The following EPC2 variants were observed in gnomAD, a reference collection of about 807,000 sequenced individuals.
EPC2 encodes the protein enhancer of polycomb homolog 2.
EPC2 carries 14 observed loss-of-function variants against 92.1 expected under a neutral mutation model. The ratio of observed to expected loss-of-function variants is 0.15; its 90% CI spans 0.10 to 0.24. The LOEUF is 0.24. Ranked by LOEUF, EPC2 falls within the 10% of genes least tolerant of loss-of-function variation. EPC2 has a pLI of 1.00. For synonymous variants in EPC2, 340 were observed against 334.7 expected (o/e 1.02, Z -0.17); for missense variants, 755 against 971.5 (o/e 0.78, Z 2.96).
At chr2:148,676,957 C>G (rs1197648170) in intron 1 of EPC2, among the ~76,000 whole-genome samples, 1 of 151,790 alleles carries the variant, frequency 6.6e-6, no homozygotes, top group African/African-American at 2.4e-5. Context: ...AGTGCCTGTG[C>G]TTGAGTTTAG....
chr2:148,646,671 T>C (rs1683808497), intron 1 of EPC2, among the ~76,000 whole-genome samples: 1 of 152,076 alleles, frequency 6.6e-6, no homozygotes, highest in Non-Finnish European at 1.5e-5. Flanking sequence ...AATCATATTA[T>C]ATACAATAGT....
In EPC2 at chr2:148,675,727, T is replaced by C. The variant is rs185029933; in HGVS notation, c.154-14487T>C. Among the ~76,000 whole-genome samples, 16 of 152,336 alleles carry C rather than the reference T, an allele frequency of 1.1e-4. No homozygotes were observed. The East Asian group carries it at 3.1e-3, about 29-fold the overall frequency. On this transcript the variant is annotated intron_variant, in intron 1 of 13. Coordinates refer to ENST00000258484, the MANE Select transcript of EPC2 (RefSeq NM_015630.4). ...GTTTCCCAGAATTTTACGGCACTCTTGTGCTGATGGCCTATCTCATTGTTT... is the reference window on the plus strand; with the variant it reads ...GTTTCCCAGAATTTTACGGCACTCTCGTGCTGATGGCCTATCTCATTGTTT...
chr2:148,662,463 T>C (rs1047767863), intron 1 of EPC2, among the ~76,000 whole-genome samples: 2 of 152,152 alleles, frequency 1.3e-5, no homozygotes, highest in South Asian at 4.1e-4. Context: ...GTGGCACATA[T>C]ACACCATGGA....
intron 11 of EPC2, among the ~76,000 whole-genome samples, chr2:148,782,287 A>T (rs1683767697): frequency 6.6e-6 from 1 of 152,184 alleles, no homozygotes; most frequent in Non-Finnish European, 1.5e-5. Context: ...CTGTAATCCC[A>T]GCACTTTGGG....
chr2:148,750,837 AAAT>A (rs1308349811), intron 3 of EPC2, among the ~76,000 whole-genome samples: 2 of 152,250 alleles, frequency 1.3e-5, no homozygotes, highest in East Asian at 3.9e-4. Context: ...GCTGTTACAC[AAAT>A]AATAAGCCAT....
At chr2:148,645,195 C>CCCCCTTCCCTCCTCCCCCCT (rs1319849336) in intron 1 of EPC2, 25 bp downstream of exon 1, 1 of 1,558,280 alleles carries the variant, frequency 6.4e-7, no homozygotes, top group Non-Finnish European at 8.7e-7. Flanking sequence ...GTTTATTACC[C>CCCCCTTCCCTCCTCCCCCCT]CCCCTTCCCT....
At chr2:148,752,037 C>T (rs1468875318) in intron 3 of EPC2, among the ~76,000 whole-genome samples, 1 of 152,038 alleles carries the variant, frequency 6.6e-6, no homozygotes. Context: ...CAAGAAGCAC[C>T]AGAGAAAGAA....
intron 1 of EPC2, among the ~76,000 whole-genome samples, chr2:148,649,514 C>G (rs955214223): frequency 6.6e-6 from 1 of 152,174 alleles, no homozygotes; most frequent in Non-Finnish European, 1.5e-5. Flanking sequence ...TGAGTCTGTT[C>G]CTTTATATTG....
intron 2 of EPC2, among the ~76,000 whole-genome samples, chr2:148,705,131 G>A (rs967796848): frequency 1.3e-5 from 2 of 151,442 alleles, no homozygotes; most frequent in Non-Finnish European, 2.9e-5. Context: ...TCTTTTTCCC[G>A]GCATAACCAC....
Position 148,784,905 on chromosome 2 carries a change from C to A in EPC2, c.2255C>A (p.Ala752Glu). Residue 752 changes from alanine (A) to glutamate (E), a missense_variant, in exon 13 of 14, where the codon GCA (alanine) becomes GAA (glutamate). By Grantham distance (107) the Ala-to-Glu change is moderately radical. This residue lies in a region of EPC2 where 207 missense variants were observed against 260.5 expected (regional missense o/e 0.79). Coordinates refer to ENST00000258484, the MANE Select transcript of EPC2 (RefSeq NM_015630.4). ...VNVHINTRTS[A>E]PSPTALKLAT... ...GTGCATATCAATACACGGACTTCAG[C>A]ACCATCGCCAACAGCCTTAAAACTT... 1 of 1,596,434 alleles carries A rather than the reference C, an allele frequency of 6.3e-7. No individual in the cohort carries two copies. The highest frequency in any genetic ancestry group is 8.5e-7 in the Non-Finnish European group (1 of 1,170,654).
At chr2:148,722,971 A>T (rs1042728416) in intron 2 of EPC2, among the ~76,000 whole-genome samples, 38 of 152,172 alleles carry the variant, frequency 2.5e-4, no homozygotes, top group African/African-American at 8.9e-4. Flanking sequence ...CTAAATAAAC[A>T]TTGAGAACAC....
intron 1 of EPC2, among the ~76,000 whole-genome samples, chr2:148,685,785 A>T (rs1472035729): frequency 6.6e-6 from 1 of 152,238 alleles, no homozygotes; most frequent in African/African-American, 2.4e-5. Flanking sequence ...AAAATAAAAA[A>T]ATAAAAGTTA....
intron 4 of EPC2, among the ~76,000 whole-genome samples, chr2:148,754,497 T>C (rs773755261): frequency 1.3e-5 from 2 of 152,194 alleles, no homozygotes; most frequent in Non-Finnish European, 2.9e-5. Context: ...AAACTAAATA[T>C]TCTATCACAG....
chr2:148,648,032 C>T (rs1000184935), intron 1 of EPC2, among the ~76,000 whole-genome samples: 1 of 152,200 alleles, frequency 6.6e-6, no homozygotes, highest in Non-Finnish European at 1.5e-5. Context: ...TTCAATTGCC[C>T]AATTTTAAGG....
chr2:148,709,125 C>A (rs1355939917), intron 2 of EPC2, among the ~76,000 whole-genome samples: 1 of 152,174 alleles, frequency 6.6e-6, no homozygotes, highest in East Asian at 1.9e-4. Flanking sequence ...TCTCCTTAAG[C>A]TAATAAGCAA....
intron 2 of EPC2, among the ~76,000 whole-genome samples, chr2:148,701,640 T>C (rs1010520443): frequency 1.6e-4 from 25 of 152,340 alleles, no homozygotes; most frequent in Admixed American, 1.4e-3. Flanking sequence ...AATAATACTT[T>C]GTTGAGAATT....
intron 10 of EPC2, among the ~76,000 whole-genome samples, chr2:148,779,022 C>G (rs143300967): frequency 4.3e-4 from 65 of 152,250 alleles, no homozygotes; most frequent in Non-Finnish European, 7.8e-4. Context: ...GACCATTAAT[C>G]TGAATAATTT....
intron 2 of EPC2, among the ~76,000 whole-genome samples, chr2:148,715,761 A>C (rs1198883736): frequency 6.6e-6 from 1 of 152,224 alleles, no homozygotes; most frequent in Non-Finnish European, 1.5e-5. Flanking sequence ...TCTGTGAAGA[A>C]TGTCAATGGT....
chr2:148,765,689 A>C (rs1452573910), intron 7 of EPC2, among the ~76,000 whole-genome samples: 1 of 152,250 alleles, frequency 6.6e-6, no homozygotes, highest in African/African-American at 2.4e-5. Context: ...AAATGTGTGC[A>C]ATTAAAAAAT....
Sources: allele counts gnomAD v4.1 joint callset (sites outside exome capture counted in the v4.1 genomes callset), GRCh38; gene constraint gnomAD v4.1.1; regional missense constraint gnomAD v4.1.1; transcripts MANE v1.5; gene names NCBI Gene and HGNC (gene_info 2026-07-23, HGNC 2026-07-21).